ARID1B: variants seen among roughly 807,000 people sequenced by gnomAD.
ARID1B encodes AT-rich interactive domain-containing protein 1B.
Under a neutral mutation model 212.3 loss-of-function variants are expected in ARID1B, and 30 were observed. The observed-to-expected ratio is 0.14, with a 90% CI of 0.11 to 0.19. The LOEUF (loss-of-function observed/expected upper bound fraction) is 0.19. ARID1B is among the 10% of genes least tolerant of loss of function. The probability of loss-of-function intolerance (pLI) is 1.00; values close to 1 mark genes in which losing one functional copy is unlikely to be tolerated. For missense variants in ARID1B, 2,891 were observed against 3,204.0 expected, an observed-to-expected ratio of 0.90 and a Z score of 2.36; for synonymous variants, 1,402 against 1,301.7, an observed-to-expected ratio of 1.08 and a Z score of -1.66.
rs1002076223 is a variant in ARID1B, at chr6:156,846,039, C to T, written c.1986+16618C>T. 3.3e-5 allele frequency among the ~76,000 whole-genome samples: 5 copies of T among 152,100 alleles called. No homozygotes were observed. The East Asian group carries it at 9.6e-4, about 29-fold the overall frequency. On this transcript the variant is annotated intron_variant, in intron 2 of 19. Transcript: ENST00000636930. ...TTATTTCGTGGCTACAATGGTTTATCTTGCCGACGACAATGTTGGGATTCT... is the reference window on the plus strand; with the variant it reads ...TTATTTCGTGGCTACAATGGTTTATTTTGCCGACGACAATGTTGGGATTCT...
chr6:156,820,855 G>A (rs888685535), intron 1 of ARID1B, among the ~76,000 whole-genome samples: 3 of 152,224 alleles, frequency 2.0e-5, no homozygotes, highest in African/African-American at 7.2e-5. Flanking sequence ...AGCAAGAGTA[G>A]TGAAGGAATG....
chr6:156,805,754 C>G (rs973612140), intron 1 of ARID1B, among the ~76,000 whole-genome samples: 3 of 152,064 alleles, frequency 2.0e-5, no homozygotes, highest in African/African-American at 7.2e-5. Context: ...TAACTCACTG[C>G]AGCGTGTAAC....
chr6:157,170,006 A>G (rs1044175164), intron 9 of ARID1B: 4 of 152,236 alleles, frequency 2.6e-5, no homozygotes, highest in African/African-American at 4.8e-5. Flanking sequence ...TTACGAAGAA[A>G]AAGGCAATCA....
chr6:157,089,092 A>G (rs1785124808), intron 5 of ARID1B, among the ~76,000 whole-genome samples: 1 of 152,168 alleles, frequency 6.6e-6, no homozygotes, highest in Non-Finnish European at 1.5e-5. Flanking sequence ...TCTCTCCAAC[A>G]AGTCATTGTA....
rs182359553 is a variant in ARID1B at position 157,019,652 on chromosome 6, A to G, written c.2248-65010A>G. On this transcript the variant is annotated intron_variant, in intron 4 of 19. Transcript: ENST00000636930. The stretch of plus-strand genomic sequence containing the variant: ...TGTCCATTAAATGTTGGTACTCCTG[A>G]AGGTTCTGTTTTAGGCTCTATCGTC... Among the ~76,000 whole-genome samples, 393 of 152,236 alleles carry G rather than the reference A, an allele frequency of 2.6e-3. 2 individuals are homozygous for G. Among genetic ancestry groups the G allele is most frequent in the African/African-American group, 8.8e-3 (365 of 41,528 alleles).
intron 3 of ARID1B, among the ~76,000 whole-genome samples, chr6:156,915,534 C>T (rs979891889): frequency 4.0e-5 from 6 of 151,374 alleles, no homozygotes; most frequent in Non-Finnish European, 7.4e-5. Context: ...TGCCACTGCA[C>T]TGCAGCCTCG....
intron 1 of ARID1B, among the ~76,000 whole-genome samples, chr6:156,825,099 A>G (rs1004908697): frequency 6.6e-6 from 1 of 152,148 alleles, no homozygotes; most frequent in Non-Finnish European, 1.5e-5. Flanking sequence ...TCCTGAGCTC[A>G]GGCAATCCAC....
intron 4 of ARID1B, among the ~76,000 whole-genome samples, chr6:157,078,422 TCTA>T (rs1784437785): frequency 6.6e-6 from 1 of 152,216 alleles, no homozygotes; most frequent in Non-Finnish European, 1.5e-5. Flanking sequence ...ATTTTTGAGT[TCTA>T]CTGCCCATAC....
chr6:157,090,557 G>C (rs1404785701), intron 5 of ARID1B, among the ~76,000 whole-genome samples: 1 of 152,218 alleles, frequency 6.6e-6, no homozygotes, highest in Non-Finnish European at 1.5e-5. Flanking sequence ...CATGGCTATT[G>C]TTCTTCTTGC....
chr6:156,805,993 A>G (rs1781128764), intron 1 of ARID1B, among the ~76,000 whole-genome samples: 1 of 152,126 alleles, frequency 6.6e-6, no homozygotes, highest in African/African-American at 2.4e-5. Context: ...TTCAGCTTTG[A>G]AACCCTGTAA....
chr6:156,979,014 A>G (rs568654708), intron 4 of ARID1B, among the ~76,000 whole-genome samples: 4 of 152,240 alleles, frequency 2.6e-5, no homozygotes, highest in African/African-American at 9.6e-5. Context: ...CTTAATGAAT[A>G]AAAGATTTAA....
chr6:157,119,873 T>G (rs1369848669), intron 6 of ARID1B, among the ~76,000 whole-genome samples: 1 of 152,228 alleles, frequency 6.6e-6, no homozygotes, highest in Non-Finnish European at 1.5e-5. Flanking sequence ...GCTTCTCATT[T>G]TAATCTGCAG....
Position 157,201,172 on chromosome 6 carries a change from A to T in ARID1B, c.4947A>T (p.Ser1649=), listed in dbSNP as rs930412516. 1 of 1,613,956 alleles carries T rather than the reference A, an allele frequency of 6.2e-7. No homozygotes were observed. The highest frequency in any genetic ancestry group is 1.7e-5 in the Admixed American group (1 of 59,998). ...VSQRQPYMSS[S]ASMQPITRPP... ...AGCGTCAGCCTTATATGTCGTCCTC[A>T]GCCTCCATGCAGCCCATCACACGCC... The change falls in exon 18 of 20, where the codon TCA becomes TCT. Residue 1649 remains serine, a synonymous_variant. Transcript: ENST00000636930. The surrounding 1 kb of genome is among the most constrained non-coding windows in gnomAD (Gnocchi z 5.2).
chr6:156,995,999 A>G (rs1333103981), intron 4 of ARID1B, among the ~76,000 whole-genome samples: 2 of 152,192 alleles, frequency 1.3e-5, no homozygotes, highest in African/African-American at 4.8e-5. Context: ...TCAGGACCCC[A>G]CACAAAATTG....
chr6:156,997,596 C>A (rs1295124438), intron 4 of ARID1B, among the ~76,000 whole-genome samples: 1 of 150,470 alleles, frequency 6.6e-6, no homozygotes, highest in African/African-American at 2.4e-5. Context: ...TAGAGAAATT[C>A]TTATTTACAA....
At chr6:156,865,666 TTTTAAC>T (rs1263198337) in intron 2 of ARID1B, among the ~76,000 whole-genome samples, 1 of 152,138 alleles carries the variant, frequency 6.6e-6, no homozygotes, top group Non-Finnish European at 1.5e-5. Flanking sequence ...CATACTAGAC[TTTTAAC>T]TTTATCTCTT....
chr6:156,965,956 C>T (rs1002278027), intron 4 of ARID1B, among the ~76,000 whole-genome samples: 3 of 152,126 alleles, frequency 2.0e-5, no homozygotes, highest in Non-Finnish European at 4.4e-5. Flanking sequence ...TATTTACATA[C>T]CTGCTTTGCT....
chr6:157,036,488 G>C (rs1781334357), intron 4 of ARID1B: 1 of 236,320 alleles, frequency 4.2e-6, no homozygotes, highest in African/African-American at 2.3e-5. Context: ...GTCAGTAAAA[G>C]ACCAAAAGGC....
intron 8 of ARID1B, among the ~76,000 whole-genome samples, chr6:157,165,454 T>C (rs750371842): frequency 2.8e-4 from 42 of 152,188 alleles, no homozygotes; most frequent in Non-Finnish European, 5.0e-4. Flanking sequence ...GTTATGGCTT[T>C]GATAGCTTGA....
Sources: gnomAD v4.1 joint callset for allele counts (sites outside exome capture counted in the v4.1 genomes callset) on GRCh38, gnomAD v4.1.1 for gene constraint, Gnocchi (gnomAD v3.1) non-coding constraint, MANE v1.5 for transcripts, NCBI Gene and HGNC (gene_info 2026-07-23, HGNC 2026-07-21) for gene names.